Variants in DHRSX observed in about 807,000 individuals in gnomAD.
The protein encoded by DHRSX is polyprenol dehydrogenase.
In DHRSX, 31 loss-of-function variants were observed where a neutral mutation model predicts 34.0. That is an observed-to-expected ratio of 0.91 (90% CI 0.69 to 1.23). The LOEUF (loss-of-function observed/expected upper bound fraction) is 1.23. Among genes scored for constraint, DHRSX ranks in the 50% most tolerant of loss-of-function variants. DHRSX has a pLI of 0.00. For synonymous variants in DHRSX, 201 were observed against 183.8 expected (o/e 1.09, Z -0.76); for missense variants, 414 against 428.1 (o/e 0.97, Z 0.29).
rs191787322 is a variant in DHRSX, at chrX:2,430,606, A to G, written c.110-5302T>C. Among the ~76,000 whole-genome samples, 73 of 152,190 alleles carry G rather than the reference A, an allele frequency of 4.8e-4. 1 individual carries two copies. Among genetic ancestry groups the G allele is most frequent in the African/African-American group, 1.7e-3 (72 of 41,500 alleles). ...TTCACAGGTGTGAGGCACCTACACC[A>G]TCACCTGCAAGCCTTCCTCCACTCT... On this transcript the variant is annotated intron_variant, in intron 1 of 6. Coordinates refer to ENST00000334651, the MANE Select transcript of DHRSX (RefSeq NM_145177.3).
chrX:2,330,434 T>C (rs1349760011), intron 3 of DHRSX, among the ~76,000 whole-genome samples: 1 of 149,250 alleles, frequency 6.7e-6, no homozygotes, highest in Non-Finnish European at 1.5e-5. Context: ...GGCAGAAGAA[T>C]CGCTTGAACC....
At chrX:2,488,686 C>T in intron 1 of DHRSX, 1 of 1,613,478 alleles carries the variant, frequency 6.2e-7, no homozygotes, top group Non-Finnish European at 8.5e-7. Context: ...TGACGCCATC[C>T]CCCAAGGAGA....
intron 3 of DHRSX, among the ~76,000 whole-genome samples, chrX:2,380,264 G>A (rs1448844672): frequency 8.3e-6 from 1 of 120,582 alleles, no homozygotes; most frequent in East Asian, 2.8e-4. Context: ...TCATGCCACT[G>A]CACTCCAGCC....
At chrX:2,347,062 G>C (rs1398799646) in intron 3 of DHRSX, among the ~76,000 whole-genome samples, 1 of 152,036 alleles carries the variant, frequency 6.6e-6, no homozygotes, top group African/African-American at 2.4e-5. Flanking sequence ...AATAGTATTT[G>C]ATATAGATAA....
intron 3 of DHRSX, among the ~76,000 whole-genome samples, chrX:2,334,081 C>T (rs1221332250): frequency 1.3e-5 from 2 of 151,072 alleles, no homozygotes; most frequent in African/African-American, 2.4e-5. Context: ...AGTGTCTTTA[C>T]GGTAGAATAA....
At chrX:2,304,990 AT>A (rs2042082432) in intron 3 of DHRSX, among the ~76,000 whole-genome samples, 1 of 152,162 alleles carries the variant, frequency 6.6e-6, no homozygotes, top group Admixed American at 6.6e-5. Flanking sequence ...ATTAAAAAAA[AT>A]GGTACATATA....
chrX:2,477,359 A>G (rs886071274), intron 1 of DHRSX, among the ~76,000 whole-genome samples: 10 of 152,230 alleles, frequency 6.6e-5, no homozygotes, highest in African/African-American at 1.9e-4. Context: ...TGGCACAGTC[A>G]GCTCGCCACA....
At position 2,498,596 on chromosome X, in the gene DHRSX, C is replaced by T. The variant is rs779515772; in HGVS notation, c.109+2221G>A. Among the ~76,000 whole-genome samples, 318 of 148,002 alleles carry T rather than the reference C, an allele frequency of 2.1e-3. 1 individual carries two copies. Among genetic ancestry groups the T allele is most frequent in the African/African-American group, 7.6e-3 (299 of 39,476 alleles). On this transcript the variant is annotated intron_variant, in intron 1 of 6. Coordinates refer to ENST00000334651, the MANE Select transcript of DHRSX (RefSeq NM_145177.3). ...ACCAGAAGCTCGTCCTCTTTAACAA[C>T]CTTCTGTTGTTGTTTAATCAGTAAA...
chrX:2,358,703 G>C (rs1389700050), intron 3 of DHRSX, among the ~76,000 whole-genome samples: 1 of 152,138 alleles, frequency 6.6e-6, no homozygotes, highest in African/African-American at 2.4e-5. Context: ...GCTTAGAGAA[G>C]TTAACTAAAT....
At chrX:2,330,688 TAGG>T (rs113159572) in intron 3 of DHRSX, among the ~76,000 whole-genome samples, 35,915 of 123,202 alleles carry the variant, frequency 0.29, 4,999 homozygotes, top group African/African-American at 0.44. Flanking sequence ...GGAGGAGAAG[TAGG>T]AGGAGATGAG....
intron 3 of DHRSX, among the ~76,000 whole-genome samples, chrX:2,335,732 G>C (rs376979775): frequency 6.6e-6 from 1 of 152,014 alleles, no homozygotes; most frequent in African/African-American, 2.4e-5. Context: ...GATTACAGGC[G>C]TGAGCCACCG....
chrX:2,439,397 A>T (rs968799951), intron 1 of DHRSX, among the ~76,000 whole-genome samples: 3 of 152,058 alleles, frequency 2.0e-5, no homozygotes, highest in Non-Finnish European at 4.4e-5. Flanking sequence ...ATCAATAAAG[A>T]CCTTCAATCC....
chrX:2,242,454 T>G (rs2016162993), intron 6 of DHRSX, among the ~76,000 whole-genome samples: 1 of 152,094 alleles, frequency 6.6e-6, no homozygotes, highest in African/African-American at 2.4e-5. Context: ...CCAGCGTGAC[T>G]CCATCTTGAA....
intron 4 of DHRSX, among the ~76,000 whole-genome samples, chrX:2,272,662 A>G (rs1317251242): frequency 6.6e-6 from 1 of 152,074 alleles, no homozygotes; most frequent in Non-Finnish European, 1.5e-5. Flanking sequence ...GAGAGGCCCC[A>G]GGTACCTGTT....
intron 3 of DHRSX, among the ~76,000 whole-genome samples, chrX:2,342,407 C>T (rs1272718292): frequency 6.6e-6 from 1 of 152,004 alleles, no homozygotes; most frequent in Non-Finnish European, 1.5e-5. Flanking sequence ...CGGATTGTCC[C>T]GGGGCTAGTT....
intron 3 of DHRSX, among the ~76,000 whole-genome samples, chrX:2,346,757 G>A (rs185267909): frequency 7.2e-4 from 109 of 151,738 alleles, no homozygotes; most frequent in African/African-American, 2.2e-3. Context: ...CTATCAACCC[G>A]TCATCTACAT....
At chrX:2,224,839 CTCAT>C (rs1250391705) in intron 6 of DHRSX, among the ~76,000 whole-genome samples, 1 of 150,104 alleles carries the variant, frequency 6.7e-6, no homozygotes, top group African/African-American at 2.5e-5. Flanking sequence ...CTCACATATA[CTCAT>C]TCACATGCAC....
At chrX:2,318,029 G>C (rs2042261097) in intron 3 of DHRSX, among the ~76,000 whole-genome samples, 2 of 152,040 alleles carry the variant, frequency 1.3e-5, no homozygotes, top group South Asian at 4.1e-4. Flanking sequence ...CAGAAATGAA[G>C]AGGCTACAAC....
intron 6 of DHRSX, among the ~76,000 whole-genome samples, chrX:2,224,504 G>C (rs1371759853): frequency 6.6e-6 from 1 of 152,156 alleles, no homozygotes; most frequent in Admixed American, 6.6e-5. Flanking sequence ...GTGATTTCTA[G>C]AAGACAGCAA....
Sources: allele counts gnomAD v4.1 joint callset (sites outside exome capture counted in the v4.1 genomes callset), GRCh38; gene constraint gnomAD v4.1.1; transcripts MANE v1.5; gene names NCBI Gene and HGNC (gene_info 2026-07-23, HGNC 2026-07-21).